The following MYZAP variants were observed in gnomAD, a reference collection of about 807,000 sequenced individuals.
The protein encoded by MYZAP is myocardial zonula adherens protein.
In MYZAP, 66 loss-of-function variants were observed where a neutral mutation model predicts 69.4. That is an observed-to-expected ratio of 0.95 (90% CI 0.78 to 1.17). The LOEUF (loss-of-function observed/expected upper bound fraction) is 1.17, where lower values mean the gene tolerates loss of function less well. MYZAP is among the 50% of genes most tolerant of loss of function. The pLI, the probability that MYZAP is intolerant of heterozygous loss-of-function variation, is 0.00. For missense variants in MYZAP, 611 were observed against 556.2 expected (o/e 1.10, Z -0.99); for synonymous variants, 256 against 205.9 (o/e 1.24, Z -2.09).
chr15:57,619,210 G>T (rs2035661862), intron 3 of MYZAP, among the ~76,000 whole-genome samples: 1 of 152,028 alleles, frequency 6.6e-6, no homozygotes, highest in African/African-American at 2.4e-5. Context: ...AACATTTCTT[G>T]TTGAATTTAA....
chr15:57,639,322 C>T, intron 9 of MYZAP, 118 bp from the exon 10 acceptor site: 1 of 1,095,576 alleles, frequency 9.1e-7, no homozygotes, highest in Non-Finnish European at 1.3e-6. Flanking sequence ...GTTGGGATTA[C>T]AGGCATGAGC....
At chr15:57,592,821 G>C (rs1421365060) in intron 1 of MYZAP, among the ~76,000 whole-genome samples, 2 of 152,088 alleles carry the variant, frequency 1.3e-5, no homozygotes, top group African/African-American at 4.8e-5. Flanking sequence ...TTTCTAACAC[G>C]GTCAGCACCT....
intron 2 of MYZAP, among the ~76,000 whole-genome samples, chr15:57,614,529 G>GAACA (rs2140368153): frequency 6.8e-6 from 1 of 147,692 alleles, no homozygotes; most frequent in East Asian, 2.0e-4. Context: ...CAGATCGAGG[G>GAACA]AACAGCATGT....
chr15:57,653,564 A>G (rs1418373681), intron 10 of MYZAP, among the ~76,000 whole-genome samples: 3 of 152,334 alleles, frequency 2.0e-5, no homozygotes, highest in African/African-American at 7.2e-5. Flanking sequence ...AAATGTGACC[A>G]TCAGTTTTGT....
At chr15:57,598,448 C>T (rs7174258) in intron 1 of MYZAP, among the ~76,000 whole-genome samples, 18 of 152,146 alleles carry the variant, frequency 1.2e-4, no homozygotes, top group African/African-American at 4.1e-4. Flanking sequence ...CAACACTGAG[C>T]GAGCGCCCAT....
chr15:57,599,628 A>G (rs1449369080), intron 1 of MYZAP: 10 of 1,289,174 alleles, frequency 7.8e-6, no homozygotes, highest in Non-Finnish European at 1.0e-5. Context: ...GGCACTGCCA[A>G]GCCTGGGGCA....
intron 10 of MYZAP, chr15:57,647,140 C>T: frequency 2.0e-6 from 2 of 985,426 alleles, no homozygotes; most frequent in Non-Finnish European, 2.4e-6. Flanking sequence ...CATGAAGCTG[C>T]TTTCTTGCTA....
intron 12 of MYZAP, among the ~76,000 whole-genome samples, chr15:57,675,815 G>A (rs1372222931): frequency 6.6e-6 from 1 of 152,060 alleles, no homozygotes; most frequent in Admixed American, 6.6e-5. Flanking sequence ...GGCCTCAAGA[G>A]GACATAAAAC....
At chr15:57,655,395 G>A (rs1229643748) in intron 10 of MYZAP, among the ~76,000 whole-genome samples, 1 of 152,168 alleles carries the variant, frequency 6.6e-6, no homozygotes, top group Non-Finnish European at 1.5e-5. Context: ...ACAGCGGAAG[G>A]GCCTCCCGTG....
intron 1 of MYZAP, chr15:57,599,793 C>G (rs1336467322): frequency 2.0e-6 from 2 of 997,990 alleles, no homozygotes; most frequent in Admixed American, 2.3e-5. Context: ...AGACTGTACT[C>G]GGACAACTTT....
At chr15:57,635,360 C>T (rs2036754419) in intron 8 of MYZAP, among the ~76,000 whole-genome samples, 1 of 152,178 alleles carries the variant, frequency 6.6e-6, no homozygotes, top group South Asian at 2.1e-4. Flanking sequence ...GCCTAAATGT[C>T]TACCCTCAGA....
At chr15:57,655,403 G>A (rs1010590555) in intron 10 of MYZAP, among the ~76,000 whole-genome samples, 16 of 152,132 alleles carry the variant, frequency 1.1e-4, no homozygotes, top group African/African-American at 3.6e-4. Flanking sequence ...AGGGCCTCCC[G>A]TGCCATGCTA....
At chr15:57,659,656 A>G (rs1595920136) in intron 10 of MYZAP, among the ~76,000 whole-genome samples, 1 of 152,182 alleles carries the variant, frequency 6.6e-6, no homozygotes, top group Non-Finnish European at 1.5e-5. Flanking sequence ...TATTGAGTCA[A>G]ATTACTGTAT....
chr15:57,599,184 C>T (rs1458802927), intron 1 of MYZAP, among the ~76,000 whole-genome samples: 2 of 152,178 alleles, frequency 1.3e-5, no homozygotes, highest in Non-Finnish European at 2.9e-5. Context: ...CCAAAGGTCT[C>T]AAAGCTAGTA....
At chr15:57,665,885 G>A (rs139145940) in intron 11 of MYZAP, among the ~76,000 whole-genome samples, 1 of 152,196 alleles carries the variant, frequency 6.6e-6, no homozygotes, top group East Asian at 1.9e-4. Context: ...TATACCTAAG[G>A]GCTTTGTGTT....
intron 6 of MYZAP, among the ~76,000 whole-genome samples, chr15:57,630,368 T>G (rs574133939): frequency 6.6e-6 from 1 of 152,196 alleles, no homozygotes; most frequent in Non-Finnish European, 1.5e-5. Flanking sequence ...GCTGTTGTTA[T>G]GTAACTGAGA....
chr15:57,676,986 C>T (rs1334497902), intron 12 of MYZAP, among the ~76,000 whole-genome samples: 2 of 152,160 alleles, frequency 1.3e-5, no homozygotes, highest in African/African-American at 4.8e-5. Flanking sequence ...ACTACATATC[C>T]GTGTTTCCGA....
chr15:57,671,650 C>T lies in MYZAP; in HGVS notation c.1204-3318C>T, dbSNP rs2038872539. Among the ~76,000 whole-genome samples the T allele has an allele frequency of 2.6e-5, 4 of 151,462 alleles. 1 individual carries two copies. The South Asian group carries it at 8.3e-4, about 31-fold the overall frequency. ...AAAATTTACTGACTTTTTCCTTTAC[C>T]ATCTTCAGTCTTAAGTCCATCTAGT... On this transcript the variant is annotated intron_variant, in intron 11 of 12. Coordinates refer to ENST00000267853, the MANE Select transcript of MYZAP (RefSeq NM_001018100.5).
Position 57,639,524 on chromosome 15 carries a change from A to G in MYZAP, c.1098A>G (p.Lys366=). Residue 366 remains lysine, a synonymous_variant, in exon 10 of 13, where the codon AAA becomes AAG. Coordinates refer to ENST00000267853, the MANE Select transcript of MYZAP (RefSeq NM_001018100.5). ...ACATGGTGCATTGCCAGCAGAAGAAAGTCAAGCAGATGGTCGAGGAGGTAA... is the reference window on the plus strand; with the variant it reads ...ACATGGTGCATTGCCAGCAGAAGAAGGTCAAGCAGATGGTCGAGGAGGTAA... ...LDDMVHCQQK[K]VKQMVEEIES... is the part of the protein sequence containing the mutation. 1 of 1,613,990 alleles carries G rather than the reference A, an allele frequency of 6.2e-7. No individual in the cohort carries two copies.
Sources: gnomAD v4.1 joint callset for allele counts (sites outside exome capture counted in the v4.1 genomes callset) on GRCh38, gnomAD v4.1.1 for gene constraint, MANE v1.5 for transcripts, NCBI Gene and HGNC (gene_info 2026-07-23, HGNC 2026-07-21) for gene names.